SENP7: variants seen among roughly 807,000 people sequenced by gnomAD.
SENP7 encodes the protein sentrin-specific protease 7.
Under a neutral mutation model 141.2 loss-of-function variants are expected in SENP7, and 64 were observed. The observed-to-expected ratio is 0.45, with a 90% CI of 0.37 to 0.56. The LOEUF is 0.56. Among genes scored for constraint, SENP7 ranks in the 20% least tolerant of loss-of-function variants. The pLI, the probability that SENP7 is intolerant of heterozygous loss-of-function variation, is 0.00. For missense variants in SENP7, 1,025 were observed against 1,212.2 expected (o/e 0.85, Z 2.29); for synonymous variants, 382 against 426.4 (o/e 0.90, Z 1.28).
At chr3:101,328,745 A>G (rs577015233) in intron 20 of SENP7, 56 bp from the exon 21 acceptor site, 15 of 1,303,430 alleles carry the variant, frequency 1.2e-5, no homozygotes, top group Middle Eastern at 2.6e-4. Context: ...ATAATTTACT[A>G]TTCAGTTACT....
chr3:101,429,044 GTCTA>G (rs1248549381), intron 4 of SENP7, among the ~76,000 whole-genome samples: 3 of 152,120 alleles, frequency 2.0e-5, no homozygotes, highest in African/African-American at 7.2e-5. Context: ...TGTTCCATTG[GTCTA>G]TCTATCTGTT....
intron 1 of SENP7, among the ~76,000 whole-genome samples, chr3:101,504,690 G>A (rs751484597): frequency 1.3e-5 from 2 of 152,100 alleles, no homozygotes; most frequent in East Asian, 1.9e-4. Context: ...ATGAACTCAC[G>A]TCTTTTACAG....
At chr3:101,409,111 A>G (rs2107620583) in intron 5 of SENP7, among the ~76,000 whole-genome samples, 1 of 152,378 alleles carries the variant, frequency 6.6e-6, no homozygotes, top group South Asian at 2.1e-4. Context: ...ATGTACATAA[A>G]TCAGCAGCTC....
chr3:101,463,903 C>A (rs906718048), intron 3 of SENP7, among the ~76,000 whole-genome samples: 1 of 152,168 alleles, frequency 6.6e-6, no homozygotes, highest in African/African-American at 2.4e-5. Flanking sequence ...CGGCTCACTG[C>A]AACCTCCGCC....
At chr3:101,441,341 A>C (rs994288923) in intron 4 of SENP7, among the ~76,000 whole-genome samples, 2 of 152,156 alleles carry the variant, frequency 1.3e-5, no homozygotes, top group Non-Finnish European at 2.9e-5. Context: ...TGGGGACCCA[A>C]GGACAGGTGC....
chr3:101,495,163 T>C (rs539638401), intron 2 of SENP7, among the ~76,000 whole-genome samples: 2 of 152,298 alleles, frequency 1.3e-5, no homozygotes, highest in South Asian at 2.1e-4. Flanking sequence ...CCGACATCAC[T>C]GATCATTAGA....
chr3:101,364,821 A>G lies in SENP7; in HGVS notation c.1476+13T>C, dbSNP rs1291498237. On this transcript the variant is annotated intron_variant, in intron 10 of 23. Transcript: ENST00000394095. ...TTTCATTGTTAATCTATGAGAAGAC[A>G]GAAATAAATTACCTGTACAGATTCA... is the stretch of plus-strand genomic sequence containing the variant. The G allele has an allele frequency of 1.3e-6, 2 of 1,536,432 alleles. No individual in the cohort carries two copies. Among genetic ancestry groups the G allele is most frequent in the Non-Finnish European group, 1.8e-6 (2 of 1,130,110 alleles).
At chr3:101,378,964 T>C (rs2060418837) in intron 6 of SENP7, among the ~76,000 whole-genome samples, 1 of 152,140 alleles carries the variant, frequency 6.6e-6, no homozygotes, top group South Asian at 2.1e-4. Context: ...GCAGGATTAA[T>C]ACTCTCTGAT....
intron 3 of SENP7, among the ~76,000 whole-genome samples, chr3:101,481,453 G>C (rs1325628860): frequency 6.6e-6 from 1 of 152,178 alleles, no homozygotes; most frequent in Non-Finnish European, 1.5e-5. Flanking sequence ...CATGAAGGTA[G>C]AGGGTAGAAT....
chr3:101,470,594 A>G (rs1271034787), intron 3 of SENP7, among the ~76,000 whole-genome samples: 1 of 152,190 alleles, frequency 6.6e-6, no homozygotes, highest in Non-Finnish European at 1.5e-5. Context: ...CGGGCACAAG[A>G]CAGGCATGCC....
At chr3:101,376,124 A>G (rs1319047361) in intron 6 of SENP7, among the ~76,000 whole-genome samples, 2 of 152,218 alleles carry the variant, frequency 1.3e-5, no homozygotes, top group African/African-American at 4.8e-5. Flanking sequence ...TATTCCATTC[A>G]TATGATGACA....
intron 1 of SENP7, among the ~76,000 whole-genome samples, chr3:101,502,237 C>T (rs2065411573): frequency 6.6e-6 from 1 of 152,222 alleles, no homozygotes; most frequent in Non-Finnish European, 1.5e-5. Context: ...GTTACCAGGT[C>T]AGCGTATTAC....
At chr3:101,431,774 A>G (rs2062185422) in intron 4 of SENP7, among the ~76,000 whole-genome samples, 1 of 128,874 alleles carries the variant, frequency 7.8e-6, no homozygotes, top group South Asian at 2.6e-4. Context: ...ACAGAGCCAG[A>G]CTTCGTCTCA....
intron 17 of SENP7, among the ~76,000 whole-genome samples, chr3:101,336,030 C>G (rs1448872346): frequency 6.6e-6 from 1 of 152,110 alleles, no homozygotes; most frequent in Non-Finnish European, 1.5e-5. Flanking sequence ...ACTAAGACAG[C>G]CTCCTATTAT....
At chr3:101,429,658 C>T (rs974556795) in intron 4 of SENP7, among the ~76,000 whole-genome samples, 4 of 152,130 alleles carry the variant, frequency 2.6e-5, no homozygotes, top group African/African-American at 9.7e-5. Flanking sequence ...GACTTCCTCC[C>T]TTCCTATCTG....
At chr3:101,414,675 A>AT (rs1346425781) in intron 5 of SENP7, 3 of 1,193,974 alleles carry the variant, frequency 2.5e-6, no homozygotes, top group Non-Finnish European at 3.6e-6. Flanking sequence ...GCAAGAATAT[A>AT]TTTTTTATAA....
intron 1 of SENP7, among the ~76,000 whole-genome samples, chr3:101,508,548 G>A (rs1057146935): frequency 6.6e-6 from 1 of 152,208 alleles, no homozygotes; most frequent in East Asian, 1.9e-4. Context: ...GCAGTGAGCC[G>A]AGATCGTGCC....
chr3:101,389,600 G>C (rs1243853172), intron 6 of SENP7, among the ~76,000 whole-genome samples: 1 of 151,734 alleles, frequency 6.6e-6, no homozygotes. Flanking sequence ...ACAAGCAAAA[G>C]CTGAGGGAAC....
At chr3:101,470,820 A>T (rs2107967593) in intron 3 of SENP7, among the ~76,000 whole-genome samples, 1 of 152,332 alleles carries the variant, frequency 6.6e-6, no homozygotes, top group East Asian at 1.9e-4. Context: ...ATACAAAATA[A>T]ATGTGCAAAA....
Sources: allele counts gnomAD v4.1 joint callset (sites outside exome capture counted in the v4.1 genomes callset), GRCh38; gene constraint gnomAD v4.1.1; transcripts MANE v1.5; gene names NCBI Gene and HGNC (gene_info 2026-07-23, HGNC 2026-07-21).